COPS6: variants seen among roughly 807,000 people sequenced by gnomAD.
COPS6 encodes the protein COP9 signalosome complex subunit 6.
COPS6 carries 9 observed loss-of-function variants against 41.0 expected under a neutral mutation model. The ratio of observed to expected loss-of-function variants is 0.22; its 90% CI spans 0.13 to 0.38. COPS6 has a LOEUF of 0.38. COPS6 is among the 10% of genes least tolerant of loss of function. COPS6 has a pLI of 1.00. For synonymous variants in COPS6, 179 were observed against 162.9 expected (o/e 1.10, Z -0.75); for missense variants, 302 against 436.7 (o/e 0.69, Z 2.75).
At position 100,091,337 on chromosome 7, in the gene COPS6, CAG is replaced by C. The variant is rs759782338; in HGVS notation, c.742+8_742+9del. ...GTCAAGGCCTCTGAAGCGGGTAGGA[CAG>C]GGGCTTCCCTGGCATTCTTCCTCTC... On this transcript the variant is annotated splice_region_variant and intron_variant, in intron 8 of 9. Transcript: ENST00000303904. The surrounding 1 kb of genome is among the most constrained non-coding windows in gnomAD (Gnocchi z 4.1). The C allele has an allele frequency of 1.2e-5, 19 of 1,613,962 alleles. No individual in the cohort carries two copies. Among genetic ancestry groups the C allele is most frequent in the African/African-American group, 1.1e-4 (8 of 74,930 alleles).
rs747987937 is a variant in COPS6, at chr7:100,089,405, G to A, written c.192G>A (p.Arg64=). ...TCCGCATGCGCTCCCAGGAGGGGCG[G>A]CCTGTGCAGGGTGAGTGTTGGGCAT... ...HWIRMRSQEG[R]PVQVIGALIG... The change falls in exon 2 of 10, where the codon CGG becomes CGA. Residue 64 remains arginine (R), a synonymous_variant. Transcript: ENST00000303904. The A allele has an allele frequency of 4.3e-6, 7 of 1,613,950 alleles. No homozygotes were observed. The African/African-American group carries it at 8.0e-5, about 18-fold the overall frequency.
Position 100,091,223 on chromosome 7 carries a change from C to T in COPS6, c.650-15C>T. On this transcript the variant is annotated splice_polypyrimidine_tract_variant and intron_variant, in intron 7 of 9. Coordinates refer to ENST00000303904, the MANE Select transcript of COPS6 (RefSeq NM_006833.5). The surrounding 1 kb of genome is among the most constrained non-coding windows in gnomAD (Gnocchi z 4.1). Reference sequence around the variant, plus strand: ...CATCCCGTCTCAACCTCCTCCTGTCCTCATCCCCTTGCAGTGGCTGAACAC... The same window carrying T: ...CATCCCGTCTCAACCTCCTCCTGTCTTCATCCCCTTGCAGTGGCTGAACAC... The T allele has an allele frequency of 6.2e-7, 1 of 1,614,038 alleles. No homozygotes were observed. The highest frequency in any genetic ancestry group is 8.5e-7 in the Non-Finnish European group (1 of 1,179,850).
Position 100,091,189 on chromosome 7 carries a change from G to A in COPS6, c.649+37G>A, listed in dbSNP as rs767936470. ...GATTCCTTGGAAGTGGGGTTGGAAG[G>A]TGTGGCCACATCCCGTCTCAACCTC... On this transcript the variant is annotated intron_variant, in intron 7 of 9. Transcript: ENST00000303904. This position sits in a 1 kb window ranked among gnomAD's most constrained non-coding sequence, Gnocchi z 4.1. The A allele has an allele frequency of 1.2e-6, 2 of 1,613,568 alleles. No homozygotes were observed. The highest frequency in any genetic ancestry group is 2.7e-5 in the African/African-American group (2 of 74,924).
intron 6 of COPS6, 21 bp downstream of exon 6, chr7:100,090,970 C>T (rs767623451): frequency 6.2e-7 from 1 of 1,613,964 alleles, no homozygotes; most frequent in Non-Finnish European, 8.5e-7. Flanking sequence ...ACCCTTCAAC[C>T]CTCAGATCCT....
rs1054003573 is a variant in COPS6, at chr7:100,089,791, A to C, written c.334+45A>C. The C allele has an allele frequency of 1.9e-6, 3 of 1,593,974 alleles. No homozygotes were observed. The African/African-American group carries it at 4.0e-5, about 21-fold the overall frequency. ...GGGGAAGAGGAGTGGGAGTTAAAAA[A>C]AAAATGTACAGGGTGGGGAAGATGG... On this transcript the variant is annotated intron_variant, in intron 3 of 9. Coordinates refer to ENST00000303904, the MANE Select transcript of COPS6 (RefSeq NM_006833.5).
chr7:100,092,011 T>C lies in COPS6; in HGVS notation c.*222T>C, dbSNP rs546567557. The C allele has an allele frequency of 4.9e-4, 285 of 580,934 alleles. No individual in the cohort carries two copies. The highest frequency in any genetic ancestry group is 7.2e-4 in the Non-Finnish European group (237 of 329,112). The allele number at this position is 580,934 out of a possible 1,614,324, so 36.0% of individuals were successfully genotyped here. ...TGCTCAGAAGCCCTTCTGATGCTCT[T>C]CAGTGAGGGAGGCACTACCATTTGA... On this transcript the variant is annotated 3_prime_UTR_variant, in exon 10 of 10. Transcript: ENST00000303904.
chr7:100,091,816 A>G lies in COPS6; in HGVS notation c.*27A>G. ...GAGGGTACTTGAAGGGCTGATGGACAGGGGTCAGGCAACTATCCCAAAGGG... is the reference window on the plus strand; with the variant it reads ...GAGGGTACTTGAAGGGCTGATGGACGGGGGTCAGGCAACTATCCCAAAGGG... On this transcript the variant is annotated 3_prime_UTR_variant, in exon 10 of 10. Coordinates refer to ENST00000303904, the MANE Select transcript of COPS6 (RefSeq NM_006833.5). The surrounding 1 kb of genome is among the most constrained non-coding windows in gnomAD (Gnocchi z 4.1). 3 of 1,614,014 alleles carry G rather than the reference A, an allele frequency of 1.9e-6. No homozygotes were observed. The highest frequency in any genetic ancestry group is 2.2e-5 in the South Asian group (2 of 91,080).
In COPS6 at chr7:100,090,393, C is replaced by T; in HGVS notation, c.335-6C>T. ...TTACTATATGTTCTGGCCCCTTCCC[C>T]TCTAGTTAAACAGGTGTTCAAGGAG... is the stretch of plus-strand genomic sequence containing the variant. On this transcript the variant is annotated splice_region_variant and splice_polypyrimidine_tract_variant and intron_variant, in intron 3 of 9. Transcript: ENST00000303904. The T allele has an allele frequency of 6.2e-7, 1 of 1,608,806 alleles. No individual in the cohort carries two copies. The highest frequency in any genetic ancestry group is 1.1e-5 in the South Asian group (1 of 90,984).
At position 100,089,324 on chromosome 7, in the gene COPS6, G is replaced by A. The variant is rs1477747042; in HGVS notation, c.111G>A (p.Gly37=). The A allele has an allele frequency of 1.2e-6, 2 of 1,614,120 alleles. No individual in the cohort carries two copies. Among genetic ancestry groups the A allele is most frequent in the East Asian group, 2.2e-5 (1 of 44,872 alleles). ...GCGTGATGGCCTGCGGAGTGACTGG[G>A]AGTGTTTCCGTCGCTCTCCATCCCC... The part of the protein sequence containing the change: ...VPSVMACGVT[G]SVSVALHPLV... Residue 37 remains glycine, a synonymous_variant, in exon 2 of 10, where the codon GGG becomes GGA. Coordinates refer to ENST00000303904, the MANE Select transcript of COPS6 (RefSeq NM_006833.5).
Position 100,091,661 on chromosome 7 carries a change from G to A in COPS6, c.856G>A (p.Val286Met). ...TGTTCCCTCCCAGCAATGCAACGAC[G>A]TGGGGCTCATGGCCTACCTCGGCAC... ...KTDFYDQCND[V>M]GLMAYLGTIT... The change falls in exon 10 of 10, where the codon GTG (valine) becomes ATG (methionine). Residue 286 changes from valine to methionine, a missense_variant. This residue lies in a region of COPS6 where 222 missense variants were observed against 309.0 expected (regional missense o/e 0.72). Transcript: ENST00000303904. The surrounding 1 kb of genome is among the most constrained non-coding windows in gnomAD (Gnocchi z 4.1). 1 of 1,614,220 alleles carries A rather than the reference G, an allele frequency of 6.2e-7. No homozygotes were observed. Among genetic ancestry groups the A allele is most frequent in the Non-Finnish European group, 8.5e-7 (1 of 1,180,052 alleles).
chr7:100,091,791 G>A lies in COPS6; in HGVS notation c.*2G>A. On this transcript the variant is annotated 3_prime_UTR_variant, in exon 10 of 10. Transcript: ENST00000303904. The surrounding 1 kb of genome is among the most constrained non-coding windows in gnomAD (Gnocchi z 4.1). ...AGAATGCGCGGGCTCTTTTTCTGAT[G>A]AGGGTACTTGAAGGGCTGATGGACA... The A allele has an allele frequency of 6.2e-7, 1 of 1,614,184 alleles. No homozygotes were observed. The highest frequency in any genetic ancestry group is 8.5e-7 in the Non-Finnish European group (1 of 1,180,034).
At position 100,090,585 on chromosome 7, in the gene COPS6, C is replaced by A. The variant is rs750153914; in HGVS notation, c.424-7C>A. 1.2e-6 allele frequency: 2 copies of A among 1,614,088 alleles called. No homozygotes were observed. Among genetic ancestry groups the A allele is most frequent in the Non-Finnish European group, 1.7e-6 (2 of 1,179,954 alleles). ...CTGACTTCCTGTGCATTGTCCCTCT[C>A]TTCCAGGTGTGTGAGATCATCGAGA... On this transcript the variant is annotated splice_region_variant and splice_polypyrimidine_tract_variant and intron_variant, in intron 4 of 9. Transcript: ENST00000303904.
In COPS6 at chr7:100,088,983, C is replaced by T. The variant is rs1473137534; in HGVS notation, c.-8C>T. 2.3e-6 allele frequency: 3 copies of T among 1,313,924 alleles called. No individual in the cohort carries two copies. Among genetic ancestry groups the T allele is most frequent in the Non-Finnish European group, 2.9e-6 (3 of 1,028,596 alleles). 81.4% of individuals were successfully genotyped at this position (1,313,924 alleles called of 1,614,324 possible). ...GGGGCGGGGCCGAGGCTGGCGGGCGCGGGGAAAATGGCGGCGGCGGCGGCG... is the reference window on the plus strand; with the variant it reads ...GGGGCGGGGCCGAGGCTGGCGGGCGTGGGGAAAATGGCGGCGGCGGCGGCG... On this transcript the variant is annotated 5_prime_UTR_variant, in exon 1 of 10. Coordinates refer to ENST00000303904, the MANE Select transcript of COPS6 (RefSeq NM_006833.5).
chr7:100,091,356 CT>C lies in COPS6; in HGVS notation c.742+28del. The C allele has an allele frequency of 2.5e-6, 4 of 1,613,496 alleles. No homozygotes were observed. The highest frequency in any genetic ancestry group is 3.4e-6 in the Non-Finnish European group (4 of 1,179,412). ...GTAGGACAGGGGCTTCCCTGGCATT[CT>C]TCCTCTCCCTCCTGGGGAAGTGACA... On this transcript the variant is annotated intron_variant, in intron 8 of 9. Transcript: ENST00000303904. The surrounding 1 kb of genome is among the most constrained non-coding windows in gnomAD (Gnocchi z 4.1).
chr7:100,091,774 C>A lies in COPS6; in HGVS notation c.969C>A (p.Arg323=). 6.2e-7 allele frequency: 1 copy of A among 1,614,162 alleles called. No homozygotes were observed. The highest frequency in any genetic ancestry group is 8.5e-7 in the Non-Finnish European group (1 of 1,180,030). ...GACAAGGCATCGGCAGGAGAATGCG[C>A]GGGCTCTTTTTCTGATGAGGGTACT... ...YDRQGIGRRM[R]GLFF Residue 323 remains arginine (R), a synonymous_variant, in exon 10 of 10, where the codon CGC becomes CGA. Transcript: ENST00000303904. This position sits in a 1 kb window ranked among gnomAD's most constrained non-coding sequence, Gnocchi z 4.1.
rs1375660183 is a variant in COPS6, at chr7:100,091,414, C to T, written c.743-6C>T. 4 of 1,613,822 alleles carry T rather than the reference C, an allele frequency of 2.5e-6. No homozygotes were observed. Among genetic ancestry groups the T allele is most frequent in the African/African-American group, 1.3e-5 (1 of 74,914 alleles). ...AAACTAATGTAGTCTCTTTTTGTGCCTTTAGGAGAGGTCCCCTTTAATCAT... is the reference window on the plus strand; with the variant it reads ...AAACTAATGTAGTCTCTTTTTGTGCTTTTAGGAGAGGTCCCCTTTAATCAT... On this transcript the variant is annotated splice_region_variant and splice_polypyrimidine_tract_variant and intron_variant, in intron 8 of 9. Coordinates refer to ENST00000303904, the MANE Select transcript of COPS6 (RefSeq NM_006833.5). The surrounding 1 kb of genome is among the most constrained non-coding windows in gnomAD (Gnocchi z 4.1).
chr7:100,089,972 A>G (rs1179166359), intron 3 of COPS6: 1 of 491,942 alleles, frequency 2.0e-6, no homozygotes, highest in East Asian at 3.7e-5. Flanking sequence ...AGTTATTCTA[A>G]ACTGAGCCAG....
At chr7:100,090,848 C>A in intron 5 of COPS6, 54 bp from the exon 6 acceptor site, 1 of 1,592,908 alleles carries the variant, frequency 6.3e-7, no homozygotes. Flanking sequence ...TGTGTAAAAG[C>A]AGCTAGCCCA....
At position 100,092,027 on chromosome 7, in the gene COPS6, TA is replaced by T. The variant is rs1288692130; in HGVS notation, c.*239del. On this transcript the variant is annotated 3_prime_UTR_variant, in exon 10 of 10. Transcript: ENST00000303904. ...TGATGCTCTTCAGTGAGGGAGGCAC[TA>T]CCATTTGAAGTGACCCCATGTCAGT... The T allele has an allele frequency of 4.3e-5, 24 of 555,026 alleles. No individual in the cohort carries two copies. In the East Asian group the frequency reaches 7.5e-4, roughly 17 times the overall value. The allele number at this position is 555,026 out of a possible 1,614,324, so 34.4% of individuals were successfully genotyped here.
Sources: allele counts gnomAD v4.1 joint callset, GRCh38; gene constraint gnomAD v4.1.1; regional missense constraint gnomAD v4.1.1; non-coding constraint Gnocchi (gnomAD v3.1); transcripts MANE v1.5; gene names NCBI Gene and HGNC (gene_info 2026-07-23, HGNC 2026-07-21).